STXBP2: variants seen among roughly 807,000 people sequenced by gnomAD.
The protein encoded by STXBP2 is syntaxin binding protein 2.
A neutral mutation model predicts 72.2 loss-of-function variants in STXBP2; 47 were observed. The observed-to-expected ratio is 0.65, with a 90% CI of 0.51 to 0.83. The LOEUF is 0.83. Among genes scored for constraint, STXBP2 ranks in the 40% least tolerant of loss-of-function variants. STXBP2 has a pLI of 0.00. For missense variants in STXBP2, 702 were observed against 807.6 expected (o/e 0.87, Z 1.58); for synonymous variants, 367 against 338.7 (o/e 1.08, Z -0.92).
the STXBP2 span, chr19:7,630,483 A>T: frequency 1.9e-6 from 2 of 1,049,240 alleles, no homozygotes; most frequent in Non-Finnish European, 2.8e-6. Flanking sequence ...GCGCTTCTGG[A>T]CTCTGCAGTA....
upstream of STXBP2, chr19:7,631,950 C>T: frequency 1.2e-6 from 1 of 850,968 alleles, no homozygotes; most frequent in Admixed American, 3.7e-5. Flanking sequence ...TCAATATCTG[C>T]CATTTAGGGT....
Position 7,640,919 on chromosome 19 carries a change from C to T in STXBP2, c.345C>T (p.Phe115=). Residue 115 remains phenylalanine (F), a synonymous_variant, in exon 6 of 19, where the codon TTC becomes TTT. Coordinates refer to ENST00000221283, the MANE Select transcript of STXBP2 (RefSeq NM_006949.4). ...CCCCAGCCTGCCCCGAGCCCCTGTTCAGTGAGCTAGGCCGCTCTCGTCTGG... is the reference window on the plus strand; with the variant it reads ...CCCCAGCCTGCCCCGAGCCCCTGTTTAGTGAGCTAGGCCGCTCTCGTCTGG... ...FFTDTCPEPL[F]SELGRSRLAK... is the part of the protein sequence containing the mutation. 1 of 1,614,210 alleles carries T rather than the reference C, an allele frequency of 6.2e-7. No individual in the cohort carries two copies. The highest frequency in any genetic ancestry group is 8.5e-7 in the Non-Finnish European group (1 of 1,180,020).
chr19:7,640,489 T>C (rs546095794), intron 4 of STXBP2: 56 of 683,826 alleles, frequency 8.2e-5, no homozygotes, highest in Middle Eastern at 3.1e-4. Flanking sequence ...TGTGTGTATG[T>C]GTGTGTGCAT....
chr19:7,631,756 G>A, the STXBP2 span: 1 of 1,432,622 alleles, frequency 7.0e-7, no homozygotes. Flanking sequence ...CGGGTCCTGA[G>A]GGGTGAGCAG....
chr19:7,641,624 G>T (rs1168523598), intron 6 of STXBP2, 81 bp from the exon 7 acceptor site: 6 of 1,537,920 alleles, frequency 3.9e-6, no homozygotes, highest in Non-Finnish European at 5.3e-6. Context: ...CTCCCAGGAG[G>T]TGCAGGTGGC....
upstream of STXBP2, chr19:7,632,422 GGCT>G (rs748499337): frequency 6.2e-7 from 1 of 1,613,990 alleles, no homozygotes; most frequent in Non-Finnish European, 8.5e-7. This position sits in a 1 kb window ranked among gnomAD's most constrained non-coding sequence, Gnocchi z 5.2. Flanking sequence ...AAGCCGGGCA[GGCT>G]GCTGACTGTC....
In STXBP2 at chr19:7,642,032, A is replaced by G. The variant is rs749666857; in HGVS notation, c.579-2A>G. On this transcript the variant is annotated splice_acceptor_variant, in intron 7 of 18. Coordinates refer to ENST00000221283, the MANE Select transcript of STXBP2 (RefSeq NM_006949.4). LOFTEE classifies it high-confidence loss of function. The surrounding 1 kb of genome is among the most constrained non-coding windows in gnomAD (Gnocchi z 6.0). ...GTCCCCCGTGTCTGACCTCCCCGCC[A>G]GGGGCCCAGAGGACACAGCCCAGTT... 1.2e-6 allele frequency: 2 copies of G among 1,613,818 alleles called. No homozygotes were observed. Among genetic ancestry groups the G allele is most frequent in the Non-Finnish European group, 1.7e-6 (2 of 1,179,890 alleles).
Position 7,646,341 on chromosome 19 carries a change from G to A in STXBP2, c.1449G>A (p.Met483Ile). 3 of 1,603,774 alleles carry A rather than the reference G, an allele frequency of 1.9e-6. No individual in the cohort carries two copies. The South Asian group carries it at 3.4e-5, about 18-fold the overall frequency. ...SRWTPVIKDV[M>I]EDAVEDRLDR... ...GGACCCCGGTCATCAAGGATGTAAT[G>A]GAGGTACTGGGTGGCAGGTCAGGGT... is the stretch of plus-strand genomic sequence containing the variant. The change falls in exon 16 of 19, where the codon ATG becomes ATA. Residue 483 changes from methionine to isoleucine, a missense_variant. Transcript: ENST00000221283.
upstream of STXBP2, chr19:7,633,642 A>G (rs2031428466): frequency 6.5e-6 from 4 of 614,442 alleles, no homozygotes; most frequent in Non-Finnish European, 1.1e-5. Context: ...TTTGCCCACA[A>G]CGATGCTGGA....
chr19:7,638,619 A>G, intron 1 of STXBP2, 107 bp from the exon 2 acceptor site: 3 of 1,207,606 alleles, frequency 2.5e-6, no homozygotes, highest in Admixed American at 2.0e-5. Flanking sequence ...AAAAAAAAAA[A>G]GTAAATGGGA....
upstream of STXBP2, chr19:7,632,492 G>T (rs1176404434): frequency 1.9e-6 from 3 of 1,613,628 alleles, no homozygotes; most frequent in East Asian, 6.7e-5. The surrounding 1 kb of genome is among the most constrained non-coding windows in gnomAD (Gnocchi z 5.2). Flanking sequence ...CCATGAGGCT[G>T]TCCATCTCGG....
intron 13 of STXBP2, 49 bp downstream of exon 13, chr19:7,643,294 G>C: frequency 1.3e-6 from 2 of 1,590,044 alleles, no homozygotes; most frequent in South Asian, 2.2e-5. Flanking sequence ...GCCAAGGCGG[G>C]GTATTGGGGA....
the STXBP2 span, chr19:7,631,053 C>G: frequency 2.2e-5 from 17 of 766,034 alleles, no homozygotes; most frequent in African/African-American, 5.3e-5. Context: ...TACAGAAATA[C>G]AAAACTTAGC....
In STXBP2 at chr19:7,642,884, G is replaced by A. The variant is rs371075102; in HGVS notation, c.960+61G>A. On this transcript the variant is annotated intron_variant, in intron 11 of 18. Transcript: ENST00000221283. This position sits in a 1 kb window ranked among gnomAD's most constrained non-coding sequence, Gnocchi z 6.0. ...GAAGGAAGCCCCCCTCCCCATGGGC[G>A]CAGGGCCACAGCCTGGATTTCGAGC... The A allele has an allele frequency of 1.7e-4, 280 of 1,613,014 alleles. No homozygotes were observed. Among genetic ancestry groups the A allele is most frequent in the Middle Eastern group, 3.3e-4 (2 of 6,058 alleles).
In STXBP2 at chr19:7,638,595, C is replaced by T; in HGVS notation, c.38-131C>T. 4.2e-6 allele frequency: 4 copies of T among 951,238 alleles called. No homozygotes were observed. In the South Asian group the frequency reaches 5.7e-5, roughly 13 times the overall value. 58.9% of individuals were successfully genotyped at this position (951,238 alleles called of 1,614,324 possible). The stretch of plus-strand genomic sequence containing the variant: ...TTAGCCTAGGTGACAGAGTGAGATC[C>T]TCCTCTCTTAAAAAAAAAAAAAAAG... On this transcript the variant is annotated intron_variant, in intron 1 of 18. Coordinates refer to ENST00000221283, the MANE Select transcript of STXBP2 (RefSeq NM_006949.4).
In STXBP2 at chr19:7,647,405, G is replaced by T. The variant is rs61736589; in HGVS notation, c.1590G>T (p.Ala530=). 1 of 1,613,456 alleles carries T rather than the reference G, an allele frequency of 6.2e-7. No individual in the cohort carries two copies. The highest frequency in any genetic ancestry group is 1.7e-5 in the Admixed American group (1 of 60,024). ...ACAAGGCTGGCATAGAAGCCCGGGC[G>T]GGCCCCCGGCTCATCGTGTATGTCA... is the stretch of plus-strand genomic sequence containing the variant. ...HKNKAGIEAR[A]GPRLIVYVMG... The change falls in exon 18 of 19, where the codon GCG becomes GCT. Residue 530 remains alanine (A), a synonymous_variant. Transcript: ENST00000221283.
upstream of STXBP2, chr19:7,632,813 C>T (rs149060150): frequency 3.9e-6 from 6 of 1,556,102 alleles, no homozygotes; most frequent in African/African-American, 6.8e-5. This position sits in a 1 kb window ranked among gnomAD's most constrained non-coding sequence, Gnocchi z 5.2. Flanking sequence ...AGAAGCCCTC[C>T]TGGTCTGGGG....
chr19:7,647,721 A>G lies in STXBP2; in HGVS notation c.1697-4A>G. ...ATCTTCCCCAAACCTCTGCCCCTGC[A>G]CAGGCTCCTCACACATCCTCACCCC... On this transcript the variant is annotated splice_region_variant and splice_polypyrimidine_tract_variant and intron_variant, in intron 18 of 18. Transcript: ENST00000221283. 1 of 1,614,032 alleles carries G rather than the reference A, an allele frequency of 6.2e-7. No individual in the cohort carries two copies. The highest frequency in any genetic ancestry group is 1.1e-5 in the South Asian group (1 of 91,086).
At chr19:7,639,345 C>T in intron 3 of STXBP2, 1 of 623,648 alleles carries the variant, frequency 1.6e-6, no homozygotes, top group Non-Finnish European at 2.9e-6. Context: ...CAGCCCCTTC[C>T]TGACCGTGCA....
Sources: gnomAD v4.1 joint callset for allele counts on GRCh38, gnomAD v4.1.1 for gene constraint, Gnocchi (gnomAD v3.1) non-coding constraint, MANE v1.5 for transcripts, NCBI Gene and HGNC (gene_info 2026-07-23, HGNC 2026-07-21) for gene names.